The following SPATA16 variants were observed in gnomAD, a reference collection of about 807,000 sequenced individuals.
SPATA16 encodes spermatogenesis associated 16.
Under a neutral mutation model 63.3 loss-of-function variants are expected in SPATA16, and 36 were observed. That is an observed-to-expected ratio of 0.57 (90% CI 0.44 to 0.75). The LOEUF (loss-of-function observed/expected upper bound fraction) is 0.75, where lower values mean the gene tolerates loss of function less well. Among genes scored for constraint, SPATA16 ranks in the 30% least tolerant of loss-of-function variants. The pLI is 0.00. For synonymous variants in SPATA16, 203 were observed against 216.7 expected (o/e 0.94, Z 0.56); for missense variants, 646 against 679.3 (o/e 0.95, Z 0.54).
chr3:173,057,559 ATTTAC>A (rs1176029647), intron 2 of SPATA16, among the ~76,000 whole-genome samples: 3 of 152,002 alleles, frequency 2.0e-5, no homozygotes, highest in Admixed American at 6.6e-5. Flanking sequence ...TATTTTCATT[ATTTAC>A]TTTATAGTTC....
intron 6 of SPATA16, among the ~76,000 whole-genome samples, chr3:172,941,142 A>C (rs1275049584): frequency 6.6e-6 from 1 of 152,170 alleles, no homozygotes; most frequent in Non-Finnish European, 1.5e-5. Flanking sequence ...GATCTGAGAA[A>C]ATTTCAAAAT....
chr3:172,953,538 C>T (rs192553690), intron 6 of SPATA16, among the ~76,000 whole-genome samples: 5 of 152,176 alleles, frequency 3.3e-5, no homozygotes, highest in African/African-American at 7.2e-5. Flanking sequence ...GGAGTACATA[C>T]GAAGAAGCAA....
intron 6 of SPATA16, among the ~76,000 whole-genome samples, chr3:172,949,760 A>G (rs1236904811): frequency 2.0e-5 from 3 of 152,126 alleles, no homozygotes; most frequent in African/African-American, 7.2e-5. Context: ...GGGGATGGGT[A>G]AGAACCTGAG....
intron 5 of SPATA16, among the ~76,000 whole-genome samples, chr3:172,963,355 TA>T (rs1266391451): frequency 6.6e-6 from 1 of 152,100 alleles, no homozygotes; most frequent in Non-Finnish European, 1.5e-5. Context: ...AAAAATTGCA[TA>T]AACAGGTTAC....
intron 4 of SPATA16, among the ~76,000 whole-genome samples, chr3:172,987,713 C>A (rs886067496): frequency 1.3e-5 from 2 of 152,168 alleles, no homozygotes; most frequent in Middle Eastern, 3.2e-3. Context: ...TTCTTCACAG[C>A]AGCAGTTTCT....
At chr3:173,010,941 T>TA (rs1219079170) in intron 4 of SPATA16, among the ~76,000 whole-genome samples, 3 of 151,766 alleles carry the variant, frequency 2.0e-5, no homozygotes, top group Admixed American at 1.3e-4. Flanking sequence ...GAATCAGTAA[T>TA]AAAAAACCTA....
chr3:172,962,174 G>T (rs1413991421), intron 5 of SPATA16, among the ~76,000 whole-genome samples: 1 of 143,160 alleles, frequency 7.0e-6, no homozygotes, highest in African/African-American at 2.6e-5. Context: ...AATTGCTTGA[G>T]CCCAGGAAGT....
intron 2 of SPATA16, among the ~76,000 whole-genome samples, chr3:173,072,107 T>C (rs1473165954): frequency 6.6e-6 from 1 of 152,202 alleles, no homozygotes; most frequent in East Asian, 1.9e-4. Flanking sequence ...AAAAGACATA[T>C]GCATTCACAC....
intron 2 of SPATA16, among the ~76,000 whole-genome samples, chr3:173,085,045 T>G (rs1737016488): frequency 6.6e-6 from 1 of 152,164 alleles, no homozygotes; most frequent in Admixed American, 6.5e-5. Flanking sequence ...TTTTTCTAAT[T>G]CTGTGAAGAA....
chr3:172,976,166 G>A (rs1173352057), intron 5 of SPATA16, among the ~76,000 whole-genome samples: 1 of 152,026 alleles, frequency 6.6e-6, no homozygotes, highest in Non-Finnish European at 1.5e-5. Context: ...ATTGGAAATG[G>A]GTTTCATGTG....
At chr3:172,999,902 T>G (rs904203517) in intron 4 of SPATA16, among the ~76,000 whole-genome samples, 3 of 152,230 alleles carry the variant, frequency 2.0e-5, no homozygotes, top group Non-Finnish European at 4.4e-5. Context: ...GTTTCCTTGA[T>G]TTCTGCTCTA....
intron 6 of SPATA16, among the ~76,000 whole-genome samples, chr3:172,949,811 A>G (rs1042792964): frequency 5.3e-5 from 8 of 152,140 alleles, no homozygotes; most frequent in Admixed American, 2.6e-4. Flanking sequence ...GAAGAGACTC[A>G]TCAATTCATG....
At chr3:173,113,807 T>C (rs1322551401) in intron 2 of SPATA16, among the ~76,000 whole-genome samples, 3 of 152,214 alleles carry the variant, frequency 2.0e-5, no homozygotes, top group African/African-American at 7.2e-5. Context: ...CTGTTTCTTT[T>C]TTGTGGTCTC....
At position 172,896,321 on chromosome 3, in the gene SPATA16, C is replaced by T. The variant is rs1024515298; in HGVS notation, c.1588-6629G>A. ...CTGCAAGCTCCGCCTCCCGGGTTCA[C>T]GCCATTCTTCTGCCTCAGCCTCCCG... is the stretch of plus-strand genomic sequence containing the variant. On this transcript the variant is annotated intron_variant, in intron 10 of 10. Coordinates refer to ENST00000351008, the MANE Select transcript of SPATA16 (RefSeq NM_031955.6). Among the ~76,000 whole-genome samples the T allele has an allele frequency of 4.6e-5, 7 of 152,210 alleles. No individual in the cohort carries two copies. The South Asian group carries it at 8.3e-4, about 18-fold the overall frequency.
chr3:173,137,862 C>CACAG, intron 1 of SPATA16, among the ~76,000 whole-genome samples: 1 of 151,234 alleles, frequency 6.6e-6, no homozygotes, highest in East Asian at 1.9e-4. Context: ...CACACACACA[C>CACAG]ACACACACAC....
chr3:172,961,243 T>C (rs749264203), intron 5 of SPATA16, among the ~76,000 whole-genome samples: 1 of 152,134 alleles, frequency 6.6e-6, no homozygotes, highest in Non-Finnish European at 1.5e-5. Flanking sequence ...ATGATTATTA[T>C]AGATTATCAT....
At chr3:172,976,900 C>T in intron 5 of SPATA16, 68 bp downstream of exon 5, 1 of 1,289,246 alleles carries the variant, frequency 7.8e-7, no homozygotes. Context: ...CTTTTAAGCA[C>T]CAATCTTTCA....
intron 2 of SPATA16, among the ~76,000 whole-genome samples, chr3:173,066,237 C>A (rs1588875): frequency 0.23 from 35,561 of 152,048 alleles, 5,587 homozygotes; most frequent in African/African-American, 0.46. Flanking sequence ...TGCTGGCTTC[C>A]TGGCACGGAT....
chr3:173,072,254 T>C (rs1736693086), intron 2 of SPATA16, among the ~76,000 whole-genome samples: 1 of 152,160 alleles, frequency 6.6e-6, no homozygotes, highest in African/African-American at 2.4e-5. Flanking sequence ...CAAAATCATG[T>C]CCTTTGCAGC....
Sources: gnomAD v4.1 joint callset for allele counts (sites outside exome capture counted in the v4.1 genomes callset) on GRCh38, gnomAD v4.1.1 for gene constraint, MANE v1.5 for transcripts, NCBI Gene and HGNC (gene_info 2026-07-23, HGNC 2026-07-21) for gene names.